C16orf92: variants seen among roughly 807,000 people sequenced by gnomAD.
C16orf92 encodes the protein fertilization-influencing membrane protein.
In C16orf92, 14 loss-of-function variants were observed where a neutral mutation model predicts 13.7. That is an observed-to-expected ratio of 1.02 (90% CI 0.67 to 1.60). C16orf92 has a LOEUF of 1.60. Among genes scored for constraint, C16orf92 ranks in the 40% most tolerant of loss-of-function variants. The probability of loss-of-function intolerance (pLI) is 0.00; values close to 1 mark genes in which losing one functional copy is unlikely to be tolerated. For synonymous variants in C16orf92, 50 were observed against 57.4 expected (o/e 0.87, Z 0.58); for missense variants, 116 against 139.0 (o/e 0.83, Z 0.83).
chr16:30,024,186 C>T lies in C16orf92; in HGVS notation c.312-20C>T. The T allele has an allele frequency of 1.9e-6, 3 of 1,614,020 alleles. No homozygotes were observed. The highest frequency in any genetic ancestry group is 2.5e-6 in the Non-Finnish European group (3 of 1,179,886). On this transcript the variant is annotated intron_variant, in intron 3 of 3. Coordinates refer to ENST00000681219, the MANE Select transcript of C16orf92 (RefSeq NM_001109659.2). ...CGGGGCAGGCTGTGACCTCTCCCCT[C>T]TGATCTCCATGCCCCACAGAAACTT...
At position 30,024,086 on chromosome 16, in the gene C16orf92, T is replaced by C; in HGVS notation, c.311T>C (p.Ile104Thr). The change falls in exon 3 of 4, where the codon ATA becomes ACA. Residue 104 changes from isoleucine (I) to threonine (T), a missense_variant and splice_region_variant. Ile to Thr is a moderately conservative substitution (Grantham distance 89). Transcript: ENST00000681219. ...CTCCTTTTCCAGTTCTGCACCCACATGTAAGGCCTGCCCCCTTTCTCCAAC... is the reference window on the plus strand; with the variant it reads ...CTCCTTTTCCAGTTCTGCACCCACACGTAAGGCCTGCCCCCTTTCTCCAAC... ...FFLLFQFCTH[I>T]NFQKGA 1 of 1,612,262 alleles carries C rather than the reference T, an allele frequency of 6.2e-7. No homozygotes were observed. Among genetic ancestry groups the C allele is most frequent in the Non-Finnish European group, 8.5e-7 (1 of 1,178,402 alleles).
chr16:30,024,951 C>T (rs2150970601), downstream of C16orf92: 2 of 467,598 alleles, frequency 4.3e-6, no homozygotes, highest in East Asian at 7.0e-5. Flanking sequence ...GCGGTGCCCC[C>T]TCCCCTCCTC....
chr16:30,024,860 C>T (rs1173158345), downstream of C16orf92: 1 of 294,596 alleles, frequency 3.4e-6, no homozygotes, highest in African/African-American at 2.2e-5. Flanking sequence ...AGAGGCGTCT[C>T]CCCACATTCT....
At chr16:30,026,932 C>T, downstream of C16orf92, 1 of 1,149,512 alleles carries the variant, frequency 8.7e-7, no homozygotes, top group South Asian at 1.3e-5. Flanking sequence ...CACAGCAGCC[C>T]TGGACAGGAG....
downstream of C16orf92, chr16:30,024,770 G>A (rs1264367658): frequency 5.0e-6 from 1 of 200,096 alleles, no homozygotes; most frequent in African/African-American, 2.3e-5. Context: ...GGGCCAGCGG[G>A]GGTTAGTTGG....
downstream of C16orf92, chr16:30,027,523 G>C (rs755602960): frequency 4.7e-4 from 212 of 452,818 alleles, 1 homozygote; most frequent in Non-Finnish European, 8.5e-4. Context: ...GACCCTGTTG[G>C]CAAGTGAGAG....
rs370958338 is a variant in C16orf92, at chr16:30,023,904, A to G, written c.223+19A>G. On this transcript the variant is annotated intron_variant, in intron 2 of 3. Transcript: ENST00000681219. ...AACTCAGGTATGAACCAGCTTGAGA[A>G]GGGACCTCCCTCCCCGCCAGGGTCT... 398 of 1,603,168 alleles carry G rather than the reference A, an allele frequency of 2.5e-4. No individual in the cohort carries two copies. The highest frequency in any genetic ancestry group is 3.2e-4 in the Admixed American group (19 of 60,000).
At chr16:30,023,458 G>A in intron 1 of C16orf92, 54 bp downstream of exon 1, 2 of 1,559,988 alleles carry the variant, frequency 1.3e-6, no homozygotes, top group South Asian at 2.3e-5. Flanking sequence ...GGAGCATAAA[G>A]TGTGATGCCC....
At chr16:30,025,753 G>A (rs760533030), downstream of C16orf92, 3 of 1,614,144 alleles carry the variant, frequency 1.9e-6, no homozygotes, top group Non-Finnish European at 2.5e-6. The surrounding 1 kb of genome is among the most constrained non-coding windows in gnomAD (Gnocchi z 4.1). Flanking sequence ...CAAGGCAGAC[G>A]AAGGGCGTGC....
At chr16:30,025,512 G>GC (rs1180538933), downstream of C16orf92, 15 of 1,601,956 alleles carry the variant, frequency 9.4e-6, no homozygotes, top group Admixed American at 1.7e-5. The surrounding 1 kb of genome is among the most constrained non-coding windows in gnomAD (Gnocchi z 4.1). Context: ...GAAGGGCTCG[G>GC]CCCCCCTTGG....
downstream of C16orf92, chr16:30,025,898 C>G: frequency 8.7e-7 from 1 of 1,146,926 alleles, no homozygotes; most frequent in Non-Finnish European, 1.3e-6. This position sits in a 1 kb window ranked among gnomAD's most constrained non-coding sequence, Gnocchi z 4.1. Context: ...TCCTCTTTCC[C>G]CTCTGTCACT....
downstream of C16orf92, chr16:30,025,004 G>A (rs948272100): frequency 3.7e-6 from 2 of 539,782 alleles, no homozygotes. This position sits in a 1 kb window ranked among gnomAD's most constrained non-coding sequence, Gnocchi z 4.1. Flanking sequence ...AGGGGGAAGA[G>A]GTCCCCTCTC....
At chr16:30,025,882 C>T (rs368492070), downstream of C16orf92, 17 of 1,293,606 alleles carry the variant, frequency 1.3e-5, no homozygotes, top group Admixed American at 1.9e-4. The surrounding 1 kb of genome is among the most constrained non-coding windows in gnomAD (Gnocchi z 4.1). Context: ...GGGCAGCCCC[C>T]GCCCTTCCTC....
downstream of C16orf92, chr16:30,025,507 G>T: frequency 1.2e-6 from 2 of 1,605,958 alleles, no homozygotes; most frequent in South Asian, 1.1e-5. This position sits in a 1 kb window ranked among gnomAD's most constrained non-coding sequence, Gnocchi z 4.1. Flanking sequence ...CAGCAGAAGG[G>T]CTCGGCCCCC....
chr16:30,023,923 A>G lies in C16orf92; in HGVS notation c.223+38A>G, dbSNP rs561278032. On this transcript the variant is annotated intron_variant, in intron 2 of 3. Transcript: ENST00000681219. Reference sequence around the variant, plus strand: ...TTGAGAAGGGACCTCCCTCCCCGCCAGGGTCTGGAGGAGAGCAGCCCCAGA... The same window carrying G: ...TTGAGAAGGGACCTCCCTCCCCGCCGGGGTCTGGAGGAGAGCAGCCCCAGA... The G allele has an allele frequency of 1.2e-4, 185 of 1,594,720 alleles. 2 individuals are homozygous for G. The South Asian group carries it at 1.8e-3, about 16-fold the overall frequency.
chr16:30,023,787 A>T lies in C16orf92; in HGVS notation c.125A>T (p.Asp42Val). 1 of 1,614,124 alleles carries T rather than the reference A, an allele frequency of 6.2e-7. No homozygotes were observed. The highest frequency in any genetic ancestry group is 2.2e-5 in the East Asian group (1 of 44,868). The stretch of plus-strand genomic sequence containing the variant: ...GGGACAGAGTCTCCGCGCTTCTTAG[A>T]CAGACCTGACTTCTTCGATTATCCG... ...ALGTESPRFLDRPDFFDYPDS... is the reference protein window; with the variant it reads ...ALGTESPRFLVRPDFFDYPDS... Residue 42 changes from aspartate to valine, a missense_variant, in exon 2 of 4, where the codon GAC (aspartate) becomes GTC (valine). Transcript: ENST00000681219.
At chr16:30,023,537 G>A in intron 1 of C16orf92, 133 bp downstream of exon 1, 2 of 1,385,076 alleles carry the variant, frequency 1.4e-6, no homozygotes, top group Non-Finnish European at 2.0e-6. Flanking sequence ...CATCCTGCTG[G>A]TCCCACCTAC....
chr16:30,025,172 G>T, downstream of C16orf92: 1 of 1,432,266 alleles, frequency 7.0e-7, no homozygotes, highest in South Asian at 1.5e-5. This position sits in a 1 kb window ranked among gnomAD's most constrained non-coding sequence, Gnocchi z 4.1. Context: ...GGAGGGTCCC[G>T]GCCCCCGGCC....
chr16:30,026,642 G>A (rs767129801), downstream of C16orf92: 81 of 1,613,604 alleles, frequency 5.0e-5, no homozygotes, highest in Middle Eastern at 1.6e-4. Context: ...GCACCATGGC[G>A]GCATGGTGGA....
Sources: gnomAD v4.1 joint callset for allele counts on GRCh38, gnomAD v4.1.1 for gene constraint, Gnocchi (gnomAD v3.1) non-coding constraint, MANE v1.5 for transcripts, NCBI Gene and HGNC (gene_info 2026-07-23, HGNC 2026-07-21) for gene names.